The following KANSL1L variants were observed in gnomAD, a reference collection of about 807,000 sequenced individuals.
KANSL1L encodes the protein KAT8 regulatory NSL complex subunit 1 like.
KANSL1L carries 25 observed loss-of-function variants against 108.6 expected under a neutral mutation model. That is an observed-to-expected ratio of 0.23 (90% confidence interval 0.17 to 0.32). The LOEUF is 0.32. KANSL1L is among the 10% of genes least tolerant of loss of function. The probability of loss-of-function intolerance (pLI) is 1.00; values close to 1 mark genes in which losing one functional copy is unlikely to be tolerated. For missense variants in KANSL1L, 1,137 were observed against 1,125.7 expected (o/e 1.01, Z -0.14); for synonymous variants, 405 against 395.1 (o/e 1.03, Z -0.30).
intron 5 of KANSL1L, among the ~76,000 whole-genome samples, chr2:210,079,650 A>ATATATATGTG (rs1553653251): frequency 5.1e-5 from 1 of 19,524 alleles, no homozygotes; most frequent in East Asian, 3.9e-3. Flanking sequence ...ATATATATAT[A>ATATATATGTG]TATATATATA....
intron 2 of KANSL1L, among the ~76,000 whole-genome samples, chr2:210,139,742 C>CT (rs200971902): frequency 0.026 from 3,449 of 134,322 alleles, 105 homozygotes; most frequent in African/African-American, 0.074. Flanking sequence ...TGCCCATTTC[C>CT]TTTTTTTTTT....
At position 210,031,384 on chromosome 2, in the gene KANSL1L, ATTTATCACTACTGCTTATATCCTCACT is replaced by A; in HGVS notation, c.2155+10_2155+36del. The A allele has an allele frequency of 6.9e-7, 1 of 1,445,532 alleles. No individual in the cohort carries two copies. The highest frequency in any genetic ancestry group is 9.5e-7 in the Non-Finnish European group (1 of 1,053,040). The allele number at this position is 1,445,532 out of a possible 1,614,324, so 89.5% of individuals were successfully genotyped here. ...AAAATCAGAATTTTTAATTTTTAATATTTATCACTACTGCTTATATCCTCACTTTAACCTACCTAATGCTGTTTCACT... is the reference window on the plus strand; with the variant it reads ...AAAATCAGAATTTTTAATTTTTAATATTAACCTACCTAATGCTGTTTCACT... On this transcript the variant is annotated intron_variant, in intron 9 of 14. Transcript: ENST00000281772.
intron 3 of KANSL1L, among the ~76,000 whole-genome samples, chr2:210,116,545 G>A (rs930399503): frequency 6.6e-6 from 1 of 152,138 alleles, no homozygotes; most frequent in African/African-American, 2.4e-5. Context: ...AGTACAGAGG[G>A]TGAGACTGTG....
At chr2:210,134,666 T>C (rs754638234) in intron 2 of KANSL1L, among the ~76,000 whole-genome samples, 74 of 152,164 alleles carry the variant, frequency 4.9e-4, no homozygotes, top group Non-Finnish European at 1.3e-4. Flanking sequence ...AGGTGGATAG[T>C]CTGAGGAAAA....
At chr2:210,025,339 G>A (rs1361708292) in intron 12 of KANSL1L, 123 bp from the exon 13 acceptor site, 3 of 551,892 alleles carry the variant, frequency 5.4e-6, no homozygotes, top group African/African-American at 3.8e-5. Context: ...GGTGGATCAC[G>A]AGGTCAGGAG....
At chr2:210,123,189 C>A (rs1421419903) in intron 3 of KANSL1L, among the ~76,000 whole-genome samples, 3 of 152,100 alleles carry the variant, frequency 2.0e-5, no homozygotes, top group Non-Finnish European at 4.4e-5. Flanking sequence ...TAGGCATATA[C>A]CCAAAGAAAG....
chr2:210,071,269 T>C (rs1248052214), intron 6 of KANSL1L, among the ~76,000 whole-genome samples: 3 of 151,908 alleles, frequency 2.0e-5, no homozygotes, highest in Admixed American at 6.6e-5. Flanking sequence ...ATTTTTATTT[T>C]TTTAATTATT....
intron 6 of KANSL1L, among the ~76,000 whole-genome samples, chr2:210,059,773 CTT>C (rs767875402): frequency 2.1e-5 from 3 of 146,064 alleles, no homozygotes; most frequent in South Asian, 2.2e-4. Context: ...ACTTAAGTAA[CTT>C]TTTTTTTTTT....
At chr2:210,117,663 T>C (rs1263760612) in intron 3 of KANSL1L, among the ~76,000 whole-genome samples, 1 of 151,946 alleles carries the variant, frequency 6.6e-6, no homozygotes, top group East Asian at 1.9e-4. Context: ...TCCTTCAAGA[T>C]GAACTTTTCA....
At chr2:210,086,094 C>T (rs1194795166) in intron 5 of KANSL1L, among the ~76,000 whole-genome samples, 1 of 151,854 alleles carries the variant, frequency 6.6e-6, no homozygotes, top group African/African-American at 2.4e-5. Flanking sequence ...GCCAGCCTAA[C>T]TGCAGTTTTT....
At chr2:210,080,521 T>A (rs1289470617) in intron 5 of KANSL1L, among the ~76,000 whole-genome samples, 1 of 152,038 alleles carries the variant, frequency 6.6e-6, no homozygotes. Context: ...CGAGACCTTT[T>A]CTACAAAAAT....
intron 1 of KANSL1L, among the ~76,000 whole-genome samples, chr2:210,165,072 G>A (rs1274003785): frequency 6.6e-6 from 1 of 150,928 alleles, no homozygotes; most frequent in Non-Finnish European, 1.5e-5. Context: ...TCACCATGTT[G>A]GCCAGGCTGG....
chr2:210,158,492 C>T (rs934809974), intron 1 of KANSL1L, among the ~76,000 whole-genome samples: 6 of 152,250 alleles, frequency 3.9e-5, no homozygotes, highest in African/African-American at 1.4e-4. Flanking sequence ...AGCTTACATG[C>T]CTACATTCTT....
intron 3 of KANSL1L, among the ~76,000 whole-genome samples, chr2:210,127,352 A>G (rs1480769981): frequency 6.6e-6 from 1 of 152,180 alleles, no homozygotes; most frequent in Admixed American, 6.5e-5. Context: ...AAGAAGAAAT[A>G]TAGGGTAAGT....
chr2:210,058,489 C>A (rs956819057), intron 6 of KANSL1L, among the ~76,000 whole-genome samples: 1 of 151,942 alleles, frequency 6.6e-6, no homozygotes, highest in Non-Finnish European at 1.5e-5. Context: ...TCTCTGTGAC[C>A]CACACCCTAT....
intron 10 of KANSL1L, 26 bp downstream of exon 10, chr2:210,029,777 A>G (rs1205947288): frequency 2.6e-6 from 3 of 1,139,368 alleles, no homozygotes; most frequent in Non-Finnish European, 3.9e-6. Flanking sequence ...AAGCTATTTT[A>G]GAGTTCAACA....
chr2:210,151,542 A>G (rs1472534616), intron 2 of KANSL1L: 2 of 152,240 alleles, frequency 1.3e-5, no homozygotes, highest in African/African-American at 4.8e-5. Context: ...TTGAGAAAAC[A>G]GCATATTACA....
At chr2:210,122,152 C>T (rs950784768) in intron 3 of KANSL1L, among the ~76,000 whole-genome samples, 5 of 152,088 alleles carry the variant, frequency 3.3e-5, no homozygotes, top group Non-Finnish European at 7.4e-5. Context: ...CAAAGTACCA[C>T]TGACATTCTT....
chr2:210,158,109 T>C (rs1272196607), intron 1 of KANSL1L, among the ~76,000 whole-genome samples: 1 of 152,190 alleles, frequency 6.6e-6, no homozygotes, highest in Non-Finnish European at 1.5e-5. Flanking sequence ...CCCCACCCTC[T>C]TCGTATTCAT....
Sources: allele counts gnomAD v4.1 joint callset (sites outside exome capture counted in the v4.1 genomes callset), GRCh38; gene constraint gnomAD v4.1.1; transcripts MANE v1.5; gene names NCBI Gene and HGNC (gene_info 2026-07-23, HGNC 2026-07-21).